The following POLR3B variants were observed in gnomAD, a reference collection of about 807,000 sequenced individuals.
POLR3B encodes the protein RNA polymerase III subunit B, also known as DNA-directed RNA polymerase III subunit RPC2.
A neutral mutation model predicts 147.4 loss-of-function variants in POLR3B; 96 were observed. The observed-to-expected ratio is 0.65, with a 90% CI of 0.55 to 0.77. The LOEUF (loss-of-function observed/expected upper bound fraction) is 0.77. Ranked by LOEUF, POLR3B falls within the 30% of genes least tolerant of loss-of-function variation. The pLI is 0.00. For missense variants in POLR3B, 1,036 were observed against 1,413.5 expected, an observed-to-expected ratio of 0.73 and a Z score of 4.28; for synonymous variants, 461 against 485.9, an observed-to-expected ratio of 0.95 and a Z score of 0.67.
At chr12:106,441,510 G>A (rs1465902593) in intron 18 of POLR3B, among the ~76,000 whole-genome samples, 1 of 152,114 alleles carries the variant, frequency 6.6e-6, no homozygotes, top group Non-Finnish European at 1.5e-5. Context: ...TCTAAACAAA[G>A]AAAAGGTATA....
chr12:106,480,041 C>G (rs1303403399), intron 23 of POLR3B, among the ~76,000 whole-genome samples: 1 of 150,240 alleles, frequency 6.7e-6, no homozygotes, highest in Non-Finnish European at 1.5e-5. Flanking sequence ...TTTGTAGAGA[C>G]TAGGTATTGC....
chr12:106,446,432 A>AAG lies in POLR3B; in HGVS notation c.2083+1843_2083+1844insGA, dbSNP rs1247075371. 493 of 344,602 alleles carry AAG rather than the reference A, an allele frequency of 1.4e-3. 5 individuals carry two copies. The highest frequency in any genetic ancestry group is 9.9e-3 in the African/African-American group (455 of 45,952). 21.3% of individuals were successfully genotyped at this position (344,602 alleles called of 1,614,324 possible). A position where few individuals can be genotyped will look rare whatever the true frequency, so the allele number is the denominator to read the frequency against. On this transcript the variant is annotated intron_variant, in intron 19 of 27. Transcript: ENST00000228347. ...CCTCTCCCCACAAAAAAAAAAAAAAAAAAGAAAAGAGAAACCCTTTATATG... is the reference window on the plus strand; with the variant it reads ...CCTCTCCCCACAAAAAAAAAAAAAAAAGAAAGAAAAGAGAAACCCTTTATATG...
intron 6 of POLR3B, among the ~76,000 whole-genome samples, chr12:106,376,131 C>G (rs529736607): frequency 7.2e-5 from 11 of 152,336 alleles, no homozygotes; most frequent in African/African-American, 2.4e-4. Context: ...TAGGCATGAG[C>G]CACTGCACCC....
intron 13 of POLR3B, among the ~76,000 whole-genome samples, chr12:106,427,938 T>G (rs1443314473): frequency 5.3e-5 from 8 of 152,212 alleles, no homozygotes; most frequent in Non-Finnish European, 1.0e-4. Context: ...GTTCATGTTT[T>G]GCATGCCAGA....
intron 10 of POLR3B, among the ~76,000 whole-genome samples, chr12:106,396,958 T>C (rs1255303989): frequency 6.6e-6 from 1 of 151,770 alleles, no homozygotes; most frequent in Non-Finnish European, 1.5e-5. Context: ...GTTGTTGTTG[T>C]TGTCGTTGTT....
intron 23 of POLR3B, among the ~76,000 whole-genome samples, chr12:106,484,951 G>GGGGCATATCCTATAGGGC (rs1288978867): frequency 3.9e-5 from 6 of 152,068 alleles, no homozygotes; most frequent in African/African-American, 1.4e-4. Flanking sequence ...AAGGATGATG[G>GGGGCATATCCTATAGGGC]GGGCATATCC....
chr12:106,437,058 C>A lies in POLR3B; in HGVS notation c.1783C>A (p.Pro595Thr). The A allele has an allele frequency of 1.9e-6, 3 of 1,612,078 alleles. No individual in the cohort carries two copies. The highest frequency in any genetic ancestry group is 2.5e-6 in the Non-Finnish European group (3 of 1,178,654). The change falls in exon 17 of 28, where the codon CCC becomes ACC. Residue 595 changes from proline to threonine, a missense_variant and splice_region_variant. By Grantham distance (38) the Pro-to-Thr change is conservative. This residue lies in a region of POLR3B where 177 missense variants were observed against 232.7 expected (regional missense o/e 0.76). Coordinates refer to ENST00000228347, the MANE Select transcript of POLR3B (RefSeq NM_018082.6). ...TTTGGTTTGCTGTTTCCATTCTAGA[C>A]CCTACATAATTGTCAAGAAACAGAA... The part of the protein sequence containing the change: ...ISSDGGRLCR[P>T]YIIVKKQKPA...
At chr12:106,396,341 C>G (rs1730217497) in intron 10 of POLR3B, among the ~76,000 whole-genome samples, 1 of 152,202 alleles carries the variant, frequency 6.6e-6, no homozygotes. Context: ...CTACTTACTA[C>G]TAGGTCACTG....
intron 4 of POLR3B, among the ~76,000 whole-genome samples, chr12:106,366,941 T>TA (rs2036543737): frequency 6.6e-6 from 1 of 152,120 alleles, no homozygotes. Context: ...CTGTCTCTAC[T>TA]AAAAATACAA....
chr12:106,496,229 G>C, intron 24 of POLR3B, 71 bp downstream of exon 24: 1 of 938,022 alleles, frequency 1.1e-6, no homozygotes, highest in South Asian at 1.3e-5. Flanking sequence ...TAGTTAGAGT[G>C]AGTGGAGGTG....
At chr12:106,425,930 T>G (rs962436905) in intron 12 of POLR3B, among the ~76,000 whole-genome samples, 2 of 152,218 alleles carry the variant, frequency 1.3e-5, no homozygotes, top group African/African-American at 2.4e-5. Flanking sequence ...TATGTCTGGT[T>G]TCTTTTGCTG....
In POLR3B at chr12:106,357,904, G is replaced by A; in HGVS notation, c.25G>A (p.Gly9Arg). 6.2e-7 allele frequency: 1 copy of A among 1,613,662 alleles called. No individual in the cohort carries two copies. The highest frequency in any genetic ancestry group is 8.5e-7 in the Non-Finnish European group (1 of 1,179,996). Residue 9 changes from glycine to arginine, a missense_variant, in exon 1 of 28, where the codon GGG (glycine) becomes AGG (arginine). Physicochemically the swap from Gly to Arg is moderately radical, Grantham distance 125. Transcript: ENST00000228347. MDVLAEEF[G>R]NLTPEQLAAP... The stretch of plus-strand genomic sequence containing the variant: ...CATGGACGTGCTAGCGGAGGAGTTT[G>A]GGAACCTGACTCCGGAGCAGCTGGC...
chr12:106,452,580 T>C (rs1375897171), intron 19 of POLR3B, among the ~76,000 whole-genome samples: 8 of 152,158 alleles, frequency 5.3e-5, no homozygotes, highest in African/African-American at 1.9e-4. Flanking sequence ...AGGTATACAA[T>C]TGGAACTGAA....
chr12:106,498,114 G>A (rs1312631212), intron 25 of POLR3B, among the ~76,000 whole-genome samples: 2 of 152,204 alleles, frequency 1.3e-5, no homozygotes, highest in Non-Finnish European at 2.9e-5. Flanking sequence ...AGACAGAGTG[G>A]GTGAGAAGGC....
At chr12:106,384,751 C>G (rs2036811665) in intron 9 of POLR3B, among the ~76,000 whole-genome samples, 1 of 151,908 alleles carries the variant, frequency 6.6e-6, no homozygotes, top group African/African-American at 2.4e-5. Context: ...GTTAGATAAG[C>G]TTGATAAGCT....
At chr12:106,412,257 T>C (rs2037238131) in intron 12 of POLR3B, among the ~76,000 whole-genome samples, 1 of 152,222 alleles carries the variant, frequency 6.6e-6, no homozygotes, top group Non-Finnish European at 1.5e-5. Context: ...TGAAAACCTC[T>C]GAATCCTGCC....
chr12:106,396,963 G>A (rs190614377), intron 10 of POLR3B, among the ~76,000 whole-genome samples: 102 of 151,766 alleles, frequency 6.7e-4, no homozygotes, highest in African/African-American at 2.1e-3. Flanking sequence ...TGTTGTTGTC[G>A]TTGTTTTAAT....
At position 106,463,522 on chromosome 12, in the gene POLR3B, C is replaced by G. The variant is rs369017509; in HGVS notation, c.2615C>G (p.Ser872Cys). 6.2e-7 allele frequency: 1 copy of G among 1,612,842 alleles called. No individual in the cohort carries two copies. The highest frequency in any genetic ancestry group is 8.5e-7 in the Non-Finnish European group (1 of 1,178,888). ...TCATATATTGAAAAAGTGATGATAT[C>G]TTCAAATGCTGAAGATGCTTTTCTG... The part of the protein sequence containing the change: ...TDSYIEKVMI[S>C]SNAEDAFLIK... The change falls in exon 23 of 28, where the codon TCT becomes TGT. Residue 872 changes from serine to cysteine, a missense_variant. Coordinates refer to ENST00000228347, the MANE Select transcript of POLR3B (RefSeq NM_018082.6).
intron 4 of POLR3B, 65 bp downstream of exon 4, chr12:106,366,787 G>T: frequency 3.2e-6 from 4 of 1,247,906 alleles, no homozygotes; most frequent in Non-Finnish European, 3.5e-6. Flanking sequence ...AGTGAGTGAA[G>T]TTGCTATCAA....
Sources: allele counts gnomAD v4.1 joint callset (sites outside exome capture counted in the v4.1 genomes callset), GRCh38; gene constraint gnomAD v4.1.1; regional missense constraint gnomAD v4.1.1; transcripts MANE v1.5; gene names NCBI Gene and HGNC (gene_info 2026-07-23, HGNC 2026-07-21).